Variants in WDR41 observed in about 807,000 individuals in gnomAD.
WDR41 encodes the protein WD repeat domain 41.
WDR41 carries 63 observed loss-of-function variants against 69.3 expected under a neutral mutation model. The observed-to-expected ratio is 0.91, with a 90% confidence interval of 0.74 to 1.12. WDR41 has a LOEUF of 1.12. Ranked by LOEUF, WDR41 falls within the 50% of genes most tolerant of loss-of-function variation. The pLI is 0.00. For missense variants in WDR41, 543 were observed against 534.5 expected (o/e 1.02, Z -0.16); for synonymous variants, 185 against 192.1 (o/e 0.96, Z 0.31).
intron 6 of WDR41, chr5:77,452,809 A>G (rs778058484): frequency 1.3e-5 from 2 of 152,200 alleles, no homozygotes; most frequent in East Asian, 1.9e-4. Context: ...GGAGACTGCA[A>G]TAAGAGGTGG....
chr5:77,575,454 G>C (rs1347332092), intron 1 of WDR41, among the ~76,000 whole-genome samples: 1 of 152,174 alleles, frequency 6.6e-6, no homozygotes, highest in Non-Finnish European at 1.5e-5. Flanking sequence ...GAATACTTCT[G>C]GTAAGGATTT....
intron 2 of WDR41, 67 bp downstream of exon 2, chr5:77,489,390 G>T: frequency 1.1e-6 from 1 of 898,226 alleles, no homozygotes; most frequent in Non-Finnish European, 1.7e-6. Flanking sequence ...TTTTAAAGGT[G>T]TTTAACATAA....
chr5:77,610,368 T>C (rs1419673893), intron 1 of WDR41, among the ~76,000 whole-genome samples: 2 of 151,978 alleles, frequency 1.3e-5, no homozygotes, highest in Admixed American at 6.6e-5. Context: ...TTCACCAAAC[T>C]TGAAATGAAG....
chr5:77,479,616 C>T (rs931838483), intron 2 of WDR41, among the ~76,000 whole-genome samples: 24 of 152,080 alleles, frequency 1.6e-4, no homozygotes, highest in Non-Finnish European at 2.8e-4. Context: ...AACTGGCTAG[C>T]CATATGGAGA....
At chr5:77,539,820 G>A (rs946002477) in intron 1 of WDR41, among the ~76,000 whole-genome samples, 1 of 152,110 alleles carries the variant, frequency 6.6e-6, no homozygotes, top group South Asian at 2.1e-4. Flanking sequence ...AGGATAGAAG[G>A]ATAATCACAT....
At chr5:77,533,243 ATTTG>A (rs1172976705) in intron 1 of WDR41, among the ~76,000 whole-genome samples, 4 of 152,250 alleles carry the variant, frequency 2.6e-5, no homozygotes, top group Admixed American at 2.0e-4. Flanking sequence ...TCTTTGCAAC[ATTTG>A]TTTATTTATT....
chr5:77,605,434 G>A (rs138195920), intron 1 of WDR41, among the ~76,000 whole-genome samples: 25 of 152,272 alleles, frequency 1.6e-4, no homozygotes, highest in Non-Finnish European at 2.5e-4. Flanking sequence ...CTCTGGGAGT[G>A]GTGTGTGGTG....
At chr5:77,546,626 G>A (rs913151119) in intron 1 of WDR41, among the ~76,000 whole-genome samples, 2 of 152,040 alleles carry the variant, frequency 1.3e-5, no homozygotes, top group African/African-American at 4.8e-5. Context: ...GATTGAAATG[G>A]TAATTTAAAA....
chr5:77,598,609 G>C (rs1744265357), intron 1 of WDR41, among the ~76,000 whole-genome samples: 1 of 151,098 alleles, frequency 6.6e-6, no homozygotes. Context: ...CTGAAGCCAA[G>C]CTGGCCTTTG....
At chr5:77,573,260 T>A (rs58147391) in intron 1 of WDR41, among the ~76,000 whole-genome samples, 16,415 of 151,328 alleles carry the variant, frequency 0.11, 993 homozygotes, top group South Asian at 0.24. Context: ...TCTCTCTCTC[T>A]CTCTCTCTTT....
intron 1 of WDR41, among the ~76,000 whole-genome samples, chr5:77,542,404 A>G (rs1206690844): frequency 6.6e-6 from 1 of 152,208 alleles, no homozygotes; most frequent in East Asian, 1.9e-4. Flanking sequence ...ACAAACATGA[A>G]CATCCTGCAT....
chr5:77,480,983 T>C (rs1801209984), intron 2 of WDR41, among the ~76,000 whole-genome samples: 1 of 151,854 alleles, frequency 6.6e-6, no homozygotes, highest in Non-Finnish European at 1.5e-5. Context: ...CTTGAGACAA[T>C]GAATTAGGCA....
At chr5:77,591,210 T>TC (rs1432485963) in intron 1 of WDR41, among the ~76,000 whole-genome samples, 3 of 152,126 alleles carry the variant, frequency 2.0e-5, no homozygotes, top group South Asian at 4.1e-4. Context: ...TATAACATCC[T>TC]CCTTATTGCC....
intron 1 of WDR41, among the ~76,000 whole-genome samples, chr5:77,539,958 C>T (rs1309853650): frequency 6.6e-6 from 1 of 152,146 alleles, no homozygotes; most frequent in African/African-American, 2.4e-5. Flanking sequence ...GTGATGGAAA[C>T]AAGAGTAGGT....
At chr5:77,506,240 C>A (rs1802104429) in intron 1 of WDR41, among the ~76,000 whole-genome samples, 4 of 152,168 alleles carry the variant, frequency 2.6e-5, no homozygotes, top group Admixed American at 2.6e-4. Flanking sequence ...TATGAACAGA[C>A]ACTTCTCAAA....
intron 1 of WDR41, among the ~76,000 whole-genome samples, chr5:77,511,010 G>A (rs1016237011): frequency 6.6e-6 from 1 of 151,968 alleles, no homozygotes; most frequent in Non-Finnish European, 1.5e-5. Flanking sequence ...ACCTGCCTTG[G>A]CCTCCCAAAG....
rs78063413 is a variant in WDR41 at position 77,526,292 on chromosome 5, G to A, written c.43-36720C>T. Among the ~76,000 whole-genome samples, 8 of 150,202 alleles carry A rather than the reference G, an allele frequency of 5.3e-5. No homozygotes were observed. In the East Asian group the frequency reaches 1.4e-3, roughly 26 times the overall value. On this transcript the variant is annotated intron_variant, in intron 1 of 5. Coordinates refer to the WDR41 transcript ENST00000509971. ...ATTTCAACCTTAAATACTTCTGTGT[G>A]TTCTCTAAAAAATAAGGACTTTTTT...
At chr5:77,558,878 GAA>G (rs59633240) in intron 1 of WDR41, among the ~76,000 whole-genome samples, 21,567 of 67,490 alleles carry the variant, frequency 0.32, 2,242 homozygotes, top group East Asian at 0.54. Context: ...TAAAGTCATT[GAA>G]AAAATATTTT....
At chr5:77,594,846 T>C (rs1472447566) in intron 1 of WDR41, among the ~76,000 whole-genome samples, 1 of 152,182 alleles carries the variant, frequency 6.6e-6, no homozygotes, top group East Asian at 1.9e-4. Context: ...ACATCTGAGG[T>C]TCCAACTGAC....
Sources: gnomAD v4.1 joint callset for allele counts (sites outside exome capture counted in the v4.1 genomes callset) on GRCh38, gnomAD v4.1.1 for gene constraint, MANE v1.5 for transcripts, NCBI Gene and HGNC (gene_info 2026-07-23, HGNC 2026-07-21) for gene names.